The following CADPS2 variants were observed in gnomAD, a reference collection of about 807,000 sequenced individuals.
CADPS2 encodes the protein calcium dependent secretion activator 2, also known as calcium-dependent secretion activator 2.
In CADPS2, 93 loss-of-function variants were observed where a neutral mutation model predicts 172.5. That is an observed-to-expected ratio of 0.54 (90% CI 0.46 to 0.64). The LOEUF is 0.64. Ranked by LOEUF, CADPS2 falls within the 30% of genes least tolerant of loss-of-function variation. CADPS2 has a pLI of 0.00. For synonymous variants in CADPS2, 546 were observed against 555.2 expected (o/e 0.98, Z 0.23); for missense variants, 1,420 against 1,565.9 (o/e 0.91, Z 1.57).
At chr7:122,757,002 C>T (rs2093191229) in intron 1 of CADPS2, among the ~76,000 whole-genome samples, 1 of 152,086 alleles carries the variant, frequency 6.6e-6, no homozygotes, top group Non-Finnish European at 1.5e-5. Context: ...CACTGCACAA[C>T]TCCACGGACA....
chr7:122,328,079 TAAC>T (rs201207816), intron 28 of CADPS2, among the ~76,000 whole-genome samples: 3,232 of 151,456 alleles, frequency 0.021, 68 homozygotes, highest in Middle Eastern at 0.037. Context: ...AAGAATAGCC[TAAC>T]AACAACAAAA....
chr7:122,488,673 A>C, intron 11 of CADPS2, among the ~76,000 whole-genome samples: 1 of 152,232 alleles, frequency 6.6e-6, no homozygotes, highest in East Asian at 1.9e-4. Context: ...CAATGATATC[A>C]CAGTTTTATG....
intron 25 of CADPS2, among the ~76,000 whole-genome samples, chr7:122,373,903 T>C (rs1445608873): frequency 1.3e-5 from 2 of 152,266 alleles, no homozygotes; most frequent in African/African-American, 4.8e-5. Context: ...TCCAAACTTA[T>C]TCTATGAGGC....
chr7:122,884,019 A>G (rs1035472266), intron 1 of CADPS2, among the ~76,000 whole-genome samples: 1 of 152,212 alleles, frequency 6.6e-6, no homozygotes, highest in Non-Finnish European at 1.5e-5. Context: ...GCACTATTTG[A>G]ACAGCTAAGG....
At chr7:122,775,352 C>A (rs2093844984) in intron 1 of CADPS2, among the ~76,000 whole-genome samples, 1 of 152,322 alleles carries the variant, frequency 6.6e-6, no homozygotes, top group African/African-American at 2.4e-5. Flanking sequence ...CAGAAGGCAG[C>A]AATAGCTTCA....
chr7:122,519,722 A>G (rs761594405), intron 8 of CADPS2, among the ~76,000 whole-genome samples: 9 of 152,086 alleles, frequency 5.9e-5, no homozygotes, highest in Non-Finnish European at 8.8e-5. Context: ...GTATCATCAA[A>G]TATCAGAGAT....
At chr7:122,603,485 G>A (rs2073078881) in intron 6 of CADPS2, among the ~76,000 whole-genome samples, 1 of 149,748 alleles carries the variant, frequency 6.7e-6, no homozygotes, top group African/African-American at 2.5e-5. Context: ...CAAAGCAAAG[G>A]CTAAAATAAA....
intron 2 of CADPS2, among the ~76,000 whole-genome samples, chr7:122,728,645 A>C (rs2091337707): frequency 6.6e-6 from 1 of 151,800 alleles, no homozygotes; most frequent in Non-Finnish European, 1.5e-5. Context: ...GGATAAAGGA[A>C]AGAGAAGTAC....
intron 17 of CADPS2, among the ~76,000 whole-genome samples, chr7:122,429,487 T>C (rs904194230): frequency 2.0e-5 from 3 of 152,056 alleles, no homozygotes; most frequent in Non-Finnish European, 4.4e-5. Flanking sequence ...AAACAATTTG[T>C]ATCTAACAAT....
rs897129026 is a variant in CADPS2, at chr7:122,808,758, C to T, written c.340-71690G>A. Reference sequence around the variant, plus strand: ...AGATATTGAATGAATTTCTGGAAAGCCTTATTTCAGGACTTTTATCTTGGT... The same window carrying T: ...AGATATTGAATGAATTTCTGGAAAGTCTTATTTCAGGACTTTTATCTTGGT... On this transcript the variant is annotated intron_variant, in intron 1 of 29. Transcript: ENST00000449022. Among the ~76,000 whole-genome samples, 4 of 152,052 alleles carry T rather than the reference C, an allele frequency of 2.6e-5. No individual in the cohort carries two copies. The South Asian group carries it at 8.3e-4, about 32-fold the overall frequency.
At chr7:122,705,793 TATA>T (rs2087094081) in intron 2 of CADPS2, among the ~76,000 whole-genome samples, 1 of 20,600 alleles carries the variant, frequency 4.9e-5, no homozygotes, top group African/African-American at 1.3e-4. Flanking sequence ...ATATATCATA[TATA>T]ATATAATATA....
chr7:122,743,313 C>T (rs2190253), intron 1 of CADPS2, among the ~76,000 whole-genome samples: 34,703 of 152,034 alleles, frequency 0.23, 4,147 homozygotes, highest in Middle Eastern at 0.31. Context: ...TCTCATGTTT[C>T]CTGTTTTTTC....
At chr7:122,402,330 T>C (rs1338226868) in intron 20 of CADPS2, among the ~76,000 whole-genome samples, 2 of 152,180 alleles carry the variant, frequency 1.3e-5, no homozygotes, top group East Asian at 3.9e-4. Context: ...TTTTATACAA[T>C]GAAATGAGAC....
At chr7:122,675,779 T>G (rs1226630918) in intron 2 of CADPS2, among the ~76,000 whole-genome samples, 1 of 151,954 alleles carries the variant, frequency 6.6e-6, no homozygotes, top group Admixed American at 6.6e-5. Flanking sequence ...TGAGAACACA[T>G]GCACGCAGGG....
At chr7:122,621,853 AGG>A in intron 4 of CADPS2, 136 bp from the exon 5 acceptor site, 1 of 603,886 alleles carries the variant, frequency 1.7e-6, no homozygotes, top group Non-Finnish European at 2.8e-6. Context: ...TTGAGTCACT[AGG>A]CTGTAAAATC....
In CADPS2 at chr7:122,766,427, G is replaced by A. The variant is rs143273880; in HGVS notation, c.340-29359C>T. Among the ~76,000 whole-genome samples, 309 of 152,162 alleles carry A rather than the reference G, an allele frequency of 2.0e-3. 4 individuals are homozygous for A. Among genetic ancestry groups the A allele is most frequent in the Admixed American group, 0.017 (257 of 15,254 alleles). ...TTGTAATTTAGAAATATTTTATACC[G>A]ATAAGAATATTTCTACATTTCTAAT... On this transcript the variant is annotated intron_variant, in intron 1 of 29. Coordinates refer to ENST00000449022, the MANE Select transcript of CADPS2 (RefSeq NM_017954.11).
Position 122,324,126 on chromosome 7 carries a change from T to C in CADPS2, c.3717+1351A>G, listed in dbSNP as rs1037036221. Among the ~76,000 whole-genome samples, 3 of 151,906 alleles carry C rather than the reference T, an allele frequency of 2.0e-5. No homozygotes were observed. In the East Asian group the frequency reaches 5.8e-4, roughly 29 times the overall value. On this transcript the variant is annotated intron_variant, in intron 29 of 29. Transcript: ENST00000449022. ...AATTATTTTCTCCATTGACATGTAA[T>C]GTGTAGCTATAGTATTAAAATTTTG...
At position 122,345,573 on chromosome 7, in the gene CADPS2, C is replaced by T; in HGVS notation, c.3612+1G>A. 1 of 1,572,828 alleles carries T rather than the reference C, an allele frequency of 6.4e-7. No homozygotes were observed. Among genetic ancestry groups the T allele is most frequent in the Non-Finnish European group, 8.7e-7 (1 of 1,144,706 alleles). On this transcript the variant is annotated splice_donor_variant, in intron 28 of 29. Transcript: ENST00000449022. LOFTEE classifies it high-confidence loss of function. ...CATACCTTGCAAGGGAAGCTACTTA[C>T]ATCAAATAACTTTTCTATATACATT...
At chr7:122,838,991 A>G (rs950488040) in intron 1 of CADPS2, among the ~76,000 whole-genome samples, 4 of 152,206 alleles carry the variant, frequency 2.6e-5, no homozygotes, top group African/African-American at 4.8e-5. Context: ...AGCCAAAAGA[A>G]CAAAGCTGGA....
Sources: gnomAD v4.1 joint callset for allele counts (sites outside exome capture counted in the v4.1 genomes callset) on GRCh38, gnomAD v4.1.1 for gene constraint, MANE v1.5 for transcripts, NCBI Gene and HGNC (gene_info 2026-07-23, HGNC 2026-07-21) for gene names.